The following STK32B variants were observed in gnomAD, a reference collection of about 807,000 sequenced individuals.
The protein encoded by STK32B is serine/threonine-protein kinase 32B.
STK32B carries 43 observed loss-of-function variants against 52.6 expected under a neutral mutation model. That is an observed-to-expected ratio of 0.82 (90% confidence interval 0.64 to 1.05). The LOEUF is 1.05. STK32B is among the 50% of genes least tolerant of loss of function. The pLI is 0.00. For synonymous variants in STK32B, 238 were observed against 204.3 expected, an observed-to-expected ratio of 1.17 and a Z score of -1.41; for missense variants, 621 against 534.6, an observed-to-expected ratio of 1.16 and a Z score of -1.59.
intron 4 of STK32B, among the ~76,000 whole-genome samples, chr4:5,387,552 G>A (rs888016262): frequency 3.3e-5 from 5 of 152,120 alleles, no homozygotes; most frequent in Non-Finnish European, 7.4e-5. Context: ...AGTTGACCAG[G>A]CAGAGATTGG....
the STK32B span, among the ~76,000 whole-genome samples, chr4:5,030,462 G>A: frequency 7.2e-5 from 11 of 152,302 alleles, no homozygotes; most frequent in Admixed American, 2.6e-4. Flanking sequence ...CTGCCATGCT[G>A]TCATATCCTG....
At chr4:5,441,729 T>C (rs1714783794) in intron 6 of STK32B, among the ~76,000 whole-genome samples, 1 of 150,938 alleles carries the variant, frequency 6.6e-6, no homozygotes, top group Non-Finnish European at 1.5e-5. Flanking sequence ...CTGCTTTCTC[T>C]TGTGGGCATT....
At chr4:5,066,704 A>G (rs1560134297) in intron 1 of STK32B, among the ~76,000 whole-genome samples, 2 of 152,146 alleles carry the variant, frequency 1.3e-5, no homozygotes, top group South Asian at 2.1e-4. Context: ...CTTGTAATCA[A>G]TGTTATTATT....
chr4:5,320,529 A>C (rs527266629), intron 3 of STK32B, among the ~76,000 whole-genome samples: 1 of 152,198 alleles, frequency 6.6e-6, no homozygotes, highest in Non-Finnish European at 1.5e-5. Flanking sequence ...GAAACTCAAT[A>C]TAACATTTTT....
intron 1 of STK32B, among the ~76,000 whole-genome samples, chr4:5,084,033 A>G (rs1007405269): frequency 1.3e-5 from 2 of 152,170 alleles, no homozygotes; most frequent in Admixed American, 1.3e-4. Context: ...CACCATGCCC[A>G]GTCTGTTACC....
In STK32B at chr4:5,350,713, C is replaced by T. The variant is rs1388413982; in HGVS notation, c.434+19320C>T. Among the ~76,000 whole-genome samples the T allele has an allele frequency of 5.3e-5, 8 of 152,132 alleles. No individual in the cohort carries two copies. In the South Asian group the frequency reaches 1.5e-3, roughly 28 times the overall value. On this transcript the variant is annotated intron_variant, in intron 4 of 11. Transcript: ENST00000282908. ...TAGACTGGATGAGTGGATTTAAAAG[C>T]ATGACCCAACTATATCCTGCCTACC... is the stretch of plus-strand genomic sequence containing the variant.
chr4:5,349,003 C>T (rs1242545830), intron 4 of STK32B, among the ~76,000 whole-genome samples: 1 of 152,124 alleles, frequency 6.6e-6, no homozygotes, highest in Non-Finnish European at 1.5e-5. Context: ...CAGCCCATCA[C>T]TGCCACTACA....
chr4:5,206,977 T>C (rs1024170633), intron 3 of STK32B, among the ~76,000 whole-genome samples: 1 of 152,242 alleles, frequency 6.6e-6, no homozygotes, highest in African/African-American at 2.4e-5. Context: ...CTTTAGATGC[T>C]TCTGGGCTTT....
chr4:5,390,226 G>T (rs1736512888), intron 4 of STK32B, among the ~76,000 whole-genome samples: 1 of 152,228 alleles, frequency 6.6e-6, no homozygotes, highest in South Asian at 2.1e-4. Flanking sequence ...CATGCCAAGT[G>T]CCTGGAACAG....
intron 3 of STK32B, among the ~76,000 whole-genome samples, chr4:5,242,134 T>C (rs1577233462): frequency 6.6e-6 from 1 of 152,222 alleles, no homozygotes; most frequent in East Asian, 1.9e-4. Flanking sequence ...TAGTTCTAGA[T>C]CCCTGAGGAA....
chr4:5,293,680 G>A (rs1729025529), intron 3 of STK32B, among the ~76,000 whole-genome samples: 1 of 147,712 alleles, frequency 6.8e-6, no homozygotes, highest in South Asian at 2.1e-4. Context: ...TGTAGATTTT[G>A]GGTATTAGCC....
intron 2 of STK32B, among the ~76,000 whole-genome samples, chr4:5,142,304 A>T (rs1716538340): frequency 6.6e-6 from 1 of 152,204 alleles, no homozygotes; most frequent in South Asian, 2.1e-4. Flanking sequence ...GTATTTTCTG[A>T]TGATTTCTGC....
intron 4 of STK32B, among the ~76,000 whole-genome samples, chr4:5,336,626 A>G (rs867806026): frequency 5.3e-5 from 8 of 152,242 alleles, no homozygotes; most frequent in African/African-American, 1.9e-4. Flanking sequence ...AGAAATTTAA[A>G]GAACTCAAAA....
intron 4 of STK32B, among the ~76,000 whole-genome samples, chr4:5,363,155 T>A (rs1734657686): frequency 6.6e-6 from 1 of 152,190 alleles, no homozygotes; most frequent in South Asian, 2.1e-4. Context: ...ACGGTGCCTA[T>A]CAGGAATGTT....
chr4:5,349,371 T>C (rs1733682152), intron 4 of STK32B, among the ~76,000 whole-genome samples: 1 of 151,772 alleles, frequency 6.6e-6, no homozygotes, highest in Non-Finnish European at 1.5e-5. Flanking sequence ...ACAGACACTA[T>C]CAATGCTGTT....
intron 4 of STK32B, among the ~76,000 whole-genome samples, chr4:5,368,643 C>T (rs918516502): frequency 6.6e-6 from 1 of 152,188 alleles, no homozygotes; most frequent in Non-Finnish European, 1.5e-5. Flanking sequence ...ATGGCCTCAT[C>T]TCTCATGAGT....
chr4:5,176,589 G>A (rs906149670), intron 3 of STK32B, among the ~76,000 whole-genome samples: 8 of 151,884 alleles, frequency 5.3e-5, no homozygotes, highest in South Asian at 2.1e-4. Flanking sequence ...GATTACAAGC[G>A]CCTGCCACCA....
At chr4:5,476,068 TA>T (rs1437408768) in intron 11 of STK32B, among the ~76,000 whole-genome samples, 150 of 151,300 alleles carry the variant, frequency 9.9e-4, no homozygotes, top group African/African-American at 3.6e-3. Flanking sequence ...CTAATTTTTG[TA>T]TTTTTTTTTT....
intron 6 of STK32B, among the ~76,000 whole-genome samples, chr4:5,444,011 A>G (rs1458733112): frequency 6.6e-6 from 1 of 152,194 alleles, no homozygotes; most frequent in Non-Finnish European, 1.5e-5. Flanking sequence ...CAAAGCTGTC[A>G]GACAGGGACA....
Sources: gnomAD v4.1 joint callset for allele counts (sites outside exome capture counted in the v4.1 genomes callset) on GRCh38, gnomAD v4.1.1 for gene constraint, MANE v1.5 for transcripts, NCBI Gene and HGNC (gene_info 2026-07-23, HGNC 2026-07-21) for gene names.